The following LTBP1 variants were observed in gnomAD, a reference collection of about 807,000 sequenced individuals.
The protein encoded by LTBP1 is latent-transforming growth factor beta-binding protein 1.
In LTBP1, 129 loss-of-function variants were observed where a neutral mutation model predicts 207.6. The ratio of observed to expected loss-of-function variants is 0.62; its 90% CI spans 0.54 to 0.72. LTBP1 has a LOEUF of 0.72. Among genes scored for constraint, LTBP1 ranks in the 30% least tolerant of loss-of-function variants. LTBP1 has a pLI of 0.00. For synonymous variants in LTBP1, 963 were observed against 833.7 expected (o/e 1.16, Z -2.67); for missense variants, 2,281 against 2,217.2 (o/e 1.03, Z -0.58).
chr2:33,245,842 A>G (rs974974349), intron 10 of LTBP1, among the ~76,000 whole-genome samples: 20 of 152,158 alleles, frequency 1.3e-4, no homozygotes, highest in African/African-American at 4.3e-4. Flanking sequence ...TCTGGTTACA[A>G]TTCTTATATT....
chr2:33,158,542 C>T (rs1251010937), intron 5 of LTBP1, among the ~76,000 whole-genome samples: 1 of 152,138 alleles, frequency 6.6e-6, no homozygotes, highest in African/African-American at 2.4e-5. Flanking sequence ...TTATAGTTCC[C>T]TGGTTAATTC....
intron 24 of LTBP1, among the ~76,000 whole-genome samples, chr2:33,333,816 C>A (rs1001117129): frequency 6.6e-6 from 1 of 151,208 alleles, no homozygotes; most frequent in African/African-American, 2.4e-5. Flanking sequence ...AGATCTAGAC[C>A]GCATGTGAAG....
Position 33,324,946 on chromosome 2 carries a change from C to G in LTBP1, c.3730+9677C>G, listed in dbSNP as rs188977863. Among the ~76,000 whole-genome samples, 49 of 152,278 alleles carry G rather than the reference C, an allele frequency of 3.2e-4. No homozygotes were observed. The South Asian group carries it at 6.6e-3, about 21-fold the overall frequency. Reference sequence around the variant, plus strand: ...GGTCTCTATCTTCTGACCTTGTAATCCACCCACCTCGGCCTCCCAAAGTGC... The same window carrying G: ...GGTCTCTATCTTCTGACCTTGTAATGCACCCACCTCGGCCTCCCAAAGTGC... On this transcript the variant is annotated intron_variant, in intron 24 of 33. Coordinates refer to ENST00000404816, the MANE Select transcript of LTBP1 (RefSeq NM_206943.4).
intron 3 of LTBP1, among the ~76,000 whole-genome samples, chr2:33,091,458 A>G (rs908259834): frequency 6.6e-6 from 1 of 152,214 alleles, no homozygotes; most frequent in Non-Finnish European, 1.5e-5. Context: ...GCCCATGAGT[A>G]GAAGAGCTGA....
chr2:33,273,417 G>A (rs1376167405), intron 15 of LTBP1, among the ~76,000 whole-genome samples: 1 of 152,016 alleles, frequency 6.6e-6, no homozygotes, highest in Non-Finnish European at 1.5e-5. Context: ...TCTCACTTCA[G>A]TTCATCTTAA....
chr2:33,132,295 C>G (rs2081859464), intron 4 of LTBP1, among the ~76,000 whole-genome samples: 1 of 152,112 alleles, frequency 6.6e-6, no homozygotes, highest in South Asian at 2.1e-4. Context: ...GGTGAATTTT[C>G]TCTGCTGGTG....
At chr2:33,092,518 G>A (rs2079158981) in intron 3 of LTBP1, among the ~76,000 whole-genome samples, 2 of 152,112 alleles carry the variant, frequency 1.3e-5, no homozygotes, top group African/African-American at 2.4e-5. Context: ...AAGCCTTCTG[G>A]GTTATTCCTC....
intron 3 of LTBP1, among the ~76,000 whole-genome samples, chr2:33,027,710 G>A (rs79714793): frequency 0.071 from 10,773 of 152,078 alleles, 425 homozygotes; most frequent in Middle Eastern, 0.092. Flanking sequence ...GGTGGCATGC[G>A]CCTGTAGTCC....
intron 31 of LTBP1, among the ~76,000 whole-genome samples, chr2:33,374,911 C>G (rs2095117709): frequency 6.6e-6 from 1 of 152,126 alleles, no homozygotes; most frequent in Admixed American, 6.5e-5. Flanking sequence ...AAGATTGTGC[C>G]ACTGCACTGC....
intron 2 of LTBP1, among the ~76,000 whole-genome samples, chr2:33,010,646 A>T (rs1041041706): frequency 6.6e-6 from 1 of 152,180 alleles, no homozygotes; most frequent in Non-Finnish European, 1.5e-5. Context: ...AAACATGTAC[A>T]AATATTATGT....
In LTBP1 at chr2:33,397,237, T is replaced by A; in HGVS notation, c.4939T>A (p.Cys1647Ser). The A allele has an allele frequency of 6.2e-7, 1 of 1,614,172 alleles. No homozygotes were observed. The highest frequency in any genetic ancestry group is 8.5e-7 in the Non-Finnish European group (1 of 1,180,022). ...VRVQEGYTCD[C>S]FDGYHLDTAK... ...GGTCCAGGAAGGTTACACCTGCGAT[T>A]GCTTTGATGGGTATCACTTGGATAC... The change falls in exon 33 of 34, where the codon TGC becomes AGC. Residue 1647 changes from cysteine (C) to serine (S), a missense_variant. Coordinates refer to ENST00000404816, the MANE Select transcript of LTBP1 (RefSeq NM_206943.4).
chr2:32,958,415 G>A (rs1678450523), intron 2 of LTBP1, among the ~76,000 whole-genome samples: 2 of 152,228 alleles, frequency 1.3e-5, no homozygotes, highest in Admixed American at 6.5e-5. Flanking sequence ...ATCCTTGGGG[G>A]CTGATCCTGT....
intron 20 of LTBP1, among the ~76,000 whole-genome samples, chr2:33,295,004 C>T (rs2093847870): frequency 6.6e-6 from 1 of 151,672 alleles, no homozygotes; most frequent in Non-Finnish European, 1.5e-5. Flanking sequence ...GGTCTTTTTA[C>T]TATTTTTACA....
chr2:33,298,381 T>C (rs1180715963), intron 20 of LTBP1, among the ~76,000 whole-genome samples: 1 of 152,208 alleles, frequency 6.6e-6, no homozygotes, highest in East Asian at 1.9e-4. Flanking sequence ...TGATAGTCCT[T>C]GGAATGGAGG....
At chr2:33,067,290 A>C (rs767905723) in intron 3 of LTBP1, among the ~76,000 whole-genome samples, 4 of 152,268 alleles carry the variant, frequency 2.6e-5, no homozygotes, top group African/African-American at 9.6e-5. Context: ...ACATAAAACT[A>C]TAAGGCAAAA....
intron 3 of LTBP1, among the ~76,000 whole-genome samples, chr2:33,103,194 C>G (rs931160324): frequency 2.6e-5 from 4 of 151,874 alleles, no homozygotes; most frequent in African/African-American, 9.7e-5. Context: ...TATGCACTGT[C>G]TGTATGCAGT....
chr2:33,196,745 A>G (rs1390183967), intron 7 of LTBP1, among the ~76,000 whole-genome samples: 2 of 152,226 alleles, frequency 1.3e-5, no homozygotes, highest in South Asian at 2.1e-4. Context: ...ATGAGCAATG[A>G]CATCTTTGTT....
chr2:33,199,283 T>C (rs886183287), intron 7 of LTBP1, among the ~76,000 whole-genome samples: 2 of 152,240 alleles, frequency 1.3e-5, no homozygotes, highest in East Asian at 3.8e-4. Flanking sequence ...ATCATTTCTG[T>C]TCTTTTACAT....
chr2:33,089,029 G>A (rs1195836894), intron 3 of LTBP1, among the ~76,000 whole-genome samples: 5 of 151,596 alleles, frequency 3.3e-5, no homozygotes, highest in South Asian at 2.1e-4. Context: ...GGTGGCAGGT[G>A]CCTGTAATCC....
Sources: gnomAD v4.1 joint callset for allele counts (sites outside exome capture counted in the v4.1 genomes callset) on GRCh38, gnomAD v4.1.1 for gene constraint, MANE v1.5 for transcripts, NCBI Gene and HGNC (gene_info 2026-07-23, HGNC 2026-07-21) for gene names.